The following MBNL1 variants were observed in gnomAD, a reference collection of about 807,000 sequenced individuals.
MBNL1 encodes the protein muscleblind-like protein 1.
A neutral mutation model predicts 42.2 loss-of-function variants in MBNL1; 8 were observed. The observed-to-expected ratio is 0.19, with a 90% CI of 0.11 to 0.34. The LOEUF (loss-of-function observed/expected upper bound fraction) is 0.34. MBNL1 is among the 10% of genes least tolerant of loss of function. The pLI, the probability that MBNL1 is intolerant of heterozygous loss-of-function variation, is 1.00. For missense variants in MBNL1, 309 were observed against 495.3 expected (o/e 0.62, Z 3.57); for synonymous variants, 169 against 173.9 (o/e 0.97, Z 0.22).
Position 152,464,433 on chromosome 3 carries a change from T to C in MBNL1, c.*2067T>C, listed in dbSNP as rs1749321507. The C allele has an allele frequency of 6.6e-6, 1 of 152,560 alleles. No individual in the cohort carries two copies. The highest frequency in any genetic ancestry group is 2.1e-4 in the South Asian group (1 of 4,834). The allele number at this position is 152,560 out of a possible 1,614,324, so 9.5% of individuals were successfully genotyped here. On this transcript the variant is annotated 3_prime_UTR_variant, in exon 10 of 10. Transcript: ENST00000324210. ...CTTTTATATGGATATCTTATAAATA[T>C]ATAATCATTGCTAAGTAAGAAGTTA... is the stretch of plus-strand genomic sequence containing the variant.
intron 2 of MBNL1, among the ~76,000 whole-genome samples, chr3:152,258,293 A>G (rs2035730412): frequency 1.3e-5 from 2 of 152,208 alleles, no homozygotes; most frequent in Non-Finnish European, 2.9e-5. Flanking sequence ...AATTCTCATG[A>G]AGTCATTTAT....
chr3:152,354,135 A>AT (rs764398055), intron 2 of MBNL1, among the ~76,000 whole-genome samples: 2 of 152,142 alleles, frequency 1.3e-5, no homozygotes, highest in Non-Finnish European at 2.9e-5. Context: ...AGCTTTAATG[A>AT]TATTTGATGA....
chr3:152,353,424 A>C (rs984545182), intron 2 of MBNL1, among the ~76,000 whole-genome samples: 1 of 152,220 alleles, frequency 6.6e-6, no homozygotes, highest in African/African-American at 2.4e-5. Context: ...GTTGCCTTTT[A>C]GAGTAGTCAG....
chr3:152,316,461 G>A (rs2071530298), intron 2 of MBNL1, among the ~76,000 whole-genome samples: 1 of 152,136 alleles, frequency 6.6e-6, no homozygotes, highest in Non-Finnish European at 1.5e-5. Context: ...CCCACTGTGT[G>A]CAAATAGCTT....
At chr3:152,269,454 G>C in intron 1 of MBNL1, 2 of 449,722 alleles carry the variant, frequency 4.4e-6, no homozygotes, top group Non-Finnish European at 8.9e-6. Flanking sequence ...TCGGGGGAAG[G>C]TGTGAGTCCC....
At chr3:152,410,501 C>T (rs1330178637) in intron 2 of MBNL1, among the ~76,000 whole-genome samples, 1 of 152,268 alleles carries the variant, frequency 6.6e-6, no homozygotes, top group East Asian at 1.9e-4. Flanking sequence ...TTCCTTCTTT[C>T]CCTTAAAATA....
intron 2 of MBNL1, among the ~76,000 whole-genome samples, chr3:152,364,107 G>T (rs1205581734): frequency 6.6e-6 from 1 of 151,782 alleles, no homozygotes; most frequent in Non-Finnish European, 1.5e-5. Flanking sequence ...TATTTTTCAT[G>T]GACAACTCCT....
chr3:152,377,075 A>G (rs974705976), intron 2 of MBNL1, among the ~76,000 whole-genome samples: 6 of 152,206 alleles, frequency 3.9e-5, no homozygotes, highest in Non-Finnish European at 7.3e-5. Flanking sequence ...TAATACAGCA[A>G]AAACAGTGAG....
intron 2 of MBNL1, among the ~76,000 whole-genome samples, chr3:152,330,649 T>C (rs1203236027): frequency 6.6e-6 from 1 of 152,210 alleles, no homozygotes; most frequent in African/African-American, 2.4e-5. Flanking sequence ...GCAATTTCAC[T>C]TTCTGCAGTT....
intron 2 of MBNL1, among the ~76,000 whole-genome samples, chr3:152,349,064 G>A (rs1450480568): frequency 3.9e-5 from 6 of 151,962 alleles, no homozygotes; most frequent in Admixed American, 3.9e-4. Context: ...TGAAGAGAAG[G>A]GAAGAACTTT....
Position 152,305,488 on chromosome 3 carries a change from A to T in MBNL1, c.174+5121A>T, listed in dbSNP as rs563649552. On this transcript the variant is annotated intron_variant, in intron 2 of 9. Transcript: ENST00000324210. ...AAGAGGTCCTATTGAGGAAATTTGA[A>T]TTTTTTTTTTTTTTTTAAACTTAGC... Among the ~76,000 whole-genome samples the T allele has an allele frequency of 1.5e-4, 22 of 144,892 alleles. 1 individual carries two copies. In the South Asian group the frequency reaches 3.5e-3, roughly 23 times the overall value.
chr3:152,362,010 A>G (rs933534312), intron 2 of MBNL1, among the ~76,000 whole-genome samples: 11 of 152,318 alleles, frequency 7.2e-5, no homozygotes, highest in Middle Eastern at 3.4e-3. Flanking sequence ...AAAGACAGAA[A>G]GAGGGAAAGG....
intron 1 of MBNL1, among the ~76,000 whole-genome samples, chr3:152,271,258 A>T (rs987381721): frequency 4.6e-5 from 7 of 152,142 alleles, no homozygotes; most frequent in Non-Finnish European, 8.8e-5. Flanking sequence ...CAGAATTCCT[A>T]TGAAATGAAA....
At chr3:152,415,480 G>C (rs753155603) in intron 3 of MBNL1, among the ~76,000 whole-genome samples, 6 of 152,140 alleles carry the variant, frequency 3.9e-5, no homozygotes, top group Admixed American at 6.5e-5. Flanking sequence ...TTTAAAATTG[G>C]TATGTATAGT....
At chr3:152,407,574 A>G (rs993955171) in intron 2 of MBNL1, among the ~76,000 whole-genome samples, 3 of 152,184 alleles carry the variant, frequency 2.0e-5, no homozygotes, top group African/African-American at 4.8e-5. Flanking sequence ...AAAACTATGA[A>G]ATAAGTACAA....
chr3:152,297,846 G>C (rs183833952), intron 1 of MBNL1, among the ~76,000 whole-genome samples: 52 of 152,010 alleles, frequency 3.4e-4, no homozygotes, highest in Non-Finnish European at 6.5e-4. Flanking sequence ...AATAGATATG[G>C]GGTTTTACCA....
At chr3:152,309,923 A>G (rs2065394373) in intron 2 of MBNL1, among the ~76,000 whole-genome samples, 1 of 152,252 alleles carries the variant, frequency 6.6e-6, no homozygotes, top group Non-Finnish European at 1.5e-5. Flanking sequence ...AGATTAAAAT[A>G]ATCATAGGAT....
At chr3:152,410,540 T>C (rs2098542235) in intron 2 of MBNL1, among the ~76,000 whole-genome samples, 1 of 152,270 alleles carries the variant, frequency 6.6e-6, no homozygotes, top group Non-Finnish European at 1.5e-5. Flanking sequence ...ATGATGTCTT[T>C]GGAATCTTTG....
chr3:152,313,611 A>C (rs1203759105), intron 2 of MBNL1, among the ~76,000 whole-genome samples: 3 of 152,232 alleles, frequency 2.0e-5, no homozygotes, highest in African/African-American at 7.2e-5. Flanking sequence ...TTCTTATCTG[A>C]ATGACAGAGT....
Sources: gnomAD v4.1 joint callset for allele counts (sites outside exome capture counted in the v4.1 genomes callset) on GRCh38, gnomAD v4.1.1 for gene constraint, MANE v1.5 for transcripts, NCBI Gene and HGNC (gene_info 2026-07-23, HGNC 2026-07-21) for gene names.